Variants in SLC35D4 observed in about 807,000 individuals in gnomAD.
SLC35D4 encodes the protein solute carrier family 35 member D4.
the SLC35D4 span, among the ~76,000 whole-genome samples, chr18:23,398,075 C>T: frequency 6.6e-6 from 1 of 151,860 alleles, no homozygotes; most frequent in African/African-American, 2.4e-5. Context: ...TGTCTCAAAA[C>T]AAAAACAAAA....
chr18:23,422,816 C>T, the SLC35D4 span, among the ~76,000 whole-genome samples: 1 of 806 alleles, frequency 1.2e-3, no homozygotes, highest in Non-Finnish European at 3.0e-3. Flanking sequence ...AACACCCCTC[C>T]CCCCCCCAAT....
chr18:23,315,375 G>A, the SLC35D4 span, among the ~76,000 whole-genome samples: 3 of 152,216 alleles, frequency 2.0e-5, no homozygotes, highest in East Asian at 1.9e-4. Context: ...GCCCCCGTCC[G>A]CACACCCAAC....
At chr18:23,420,951 A>C in the SLC35D4 span, among the ~76,000 whole-genome samples, 1 of 151,592 alleles carries the variant, frequency 6.6e-6, no homozygotes, top group East Asian at 2.0e-4. Context: ...AATCAAACAA[A>C]CCTCTGTTTT....
the SLC35D4 span, among the ~76,000 whole-genome samples, chr18:23,332,990 C>T: frequency 1.3e-5 from 2 of 152,134 alleles, no homozygotes; most frequent in Admixed American, 6.5e-5. Flanking sequence ...ATCTCCACAG[C>T]CGGTTATAAG....
chr18:23,397,995 G>A, the SLC35D4 span, among the ~76,000 whole-genome samples: 3 of 152,184 alleles, frequency 2.0e-5, no homozygotes, highest in South Asian at 2.1e-4. Flanking sequence ...CCAGAAGGTC[G>A]AGGCTCCAGT....
the SLC35D4 span, among the ~76,000 whole-genome samples, chr18:23,403,314 T>C: frequency 1.3e-5 from 2 of 152,168 alleles, no homozygotes; most frequent in East Asian, 1.9e-4. Flanking sequence ...ATAACTGTTA[T>C]AAAGGAGACT....
the SLC35D4 span, among the ~76,000 whole-genome samples, chr18:23,395,776 ACACT>A: frequency 2.0e-5 from 3 of 152,220 alleles, no homozygotes; most frequent in Non-Finnish European, 4.4e-5. Context: ...TCCAAGACTG[ACACT>A]CACCCATCAG....
At chr18:23,271,179 G>T in the SLC35D4 span, among the ~76,000 whole-genome samples, 1 of 152,200 alleles carries the variant, frequency 6.6e-6, no homozygotes, top group African/African-American at 2.4e-5. Context: ...ATAAGGGGAA[G>T]TTCCCCTACA....
the SLC35D4 span, chr18:23,257,592 T>C: frequency 8.5e-6 from 4 of 471,368 alleles, no homozygotes; most frequent in Non-Finnish European, 1.5e-5. Flanking sequence ...AGGAGGTGTG[T>C]GCTGAGAACA....
At chr18:23,399,726 A>C in the SLC35D4 span, 1 of 1,340,166 alleles carries the variant, frequency 7.5e-7, no homozygotes. Flanking sequence ...CTGACCCTCC[A>C]GATGCATCAA....
At chr18:23,257,482 C>CT in the SLC35D4 span, 1 of 1,209,762 alleles carries the variant, frequency 8.3e-7, no homozygotes. Flanking sequence ...TTCTTCCTCT[C>CT]GACATAGTTT....
chr18:23,434,870 C>T, the SLC35D4 span, among the ~76,000 whole-genome samples: 1 of 151,830 alleles, frequency 6.6e-6, no homozygotes, highest in African/African-American at 2.4e-5. Flanking sequence ...TGAAAATGTA[C>T]ATCCAGGCCA....
At chr18:23,322,430 T>C in the SLC35D4 span, among the ~76,000 whole-genome samples, 2 of 152,350 alleles carry the variant, frequency 1.3e-5, no homozygotes, top group East Asian at 3.9e-4. Context: ...CTCTGAACTC[T>C]TTAACAAAGG....
the SLC35D4 span, among the ~76,000 whole-genome samples, chr18:23,335,203 C>T: frequency 3.3e-5 from 5 of 152,268 alleles, no homozygotes; most frequent in Middle Eastern, 0.01. Context: ...GTCTCTAAGG[C>T]ACAATGTAAC....
At chr18:23,403,727 C>G in the SLC35D4 span, among the ~76,000 whole-genome samples, 1 of 152,114 alleles carries the variant, frequency 6.6e-6, no homozygotes, top group Non-Finnish European at 1.5e-5. Context: ...AAATTATGAA[C>G]TTGAGATGCT....
chr18:23,243,418 C>A, the SLC35D4 span, among the ~76,000 whole-genome samples: 3 of 149,288 alleles, frequency 2.0e-5, no homozygotes, highest in African/African-American at 7.4e-5. Context: ...CCTGAAATGC[C>A]TGATTGTGCT....
At chr18:23,381,414 A>T in the SLC35D4 span, among the ~76,000 whole-genome samples, 1 of 152,188 alleles carries the variant, frequency 6.6e-6, no homozygotes, top group African/African-American at 2.4e-5. Context: ...ATCATGGCTC[A>T]CTGCAGCCTC....
the SLC35D4 span, among the ~76,000 whole-genome samples, chr18:23,387,954 C>T: frequency 1.3e-5 from 2 of 152,128 alleles, no homozygotes; most frequent in African/African-American, 4.8e-5. Flanking sequence ...CCATGTTTGG[C>T]AAACTTGGGC....
chr18:23,308,876 C>CTCTCTCTG, the SLC35D4 span, among the ~76,000 whole-genome samples: 1,897 of 140,008 alleles, frequency 0.014, 51 homozygotes, highest in African/African-American at 0.048. Context: ...CTCTCTCTCT[C>CTCTCTCTG]TGTGTGTGTG....
Sources: gnomAD v4.1 joint callset for allele counts (sites outside exome capture counted in the v4.1 genomes callset) on GRCh38, gnomAD v4.1.1 for gene constraint, MANE v1.5 for transcripts, NCBI Gene and HGNC (gene_info 2026-07-23, HGNC 2026-07-21) for gene names.